The following PGA5 variants were observed in gnomAD, a reference collection of about 807,000 sequenced individuals.
The protein encoded by PGA5 is pepsinogen A5, also known as pepsin A-5.
A neutral mutation model predicts 15.9 loss-of-function variants in PGA5; 19 were observed. That is an observed-to-expected ratio of 1.19 (90% confidence interval 0.83 to 1.75). The LOEUF is 1.75. Ranked by LOEUF, PGA5 falls within the 40% of genes most tolerant of loss-of-function variation. The probability of loss-of-function intolerance (pLI) is 0.00; values close to 1 mark genes in which losing one functional copy is unlikely to be tolerated. For synonymous variants in PGA5, 92 were observed against 95.8 expected (o/e 0.96, Z 0.23); for missense variants, 224 against 246.4 (o/e 0.91, Z 0.61).
intron 8 of PGA5, 53 bp downstream of exon 8, chr11:61,250,067 A>C: frequency 6.3e-7 from 1 of 1,586,500 alleles, no homozygotes; most frequent in Non-Finnish European, 8.6e-7. Context: ...ATGTGGACAC[A>C]GAGTCCCCTT....
At chr11:61,247,259 C>T (rs895737595) in intron 5 of PGA5, among the ~76,000 whole-genome samples, 1 of 151,238 alleles carries the variant, frequency 6.6e-6, no homozygotes, top group East Asian at 1.9e-4. Context: ...TTAGAAATGG[C>T]CAGTTCTCGG....
intron 6 of PGA5, chr11:61,249,396 G>A (rs901243978): frequency 1.2e-5 from 7 of 595,000 alleles, no homozygotes; most frequent in Non-Finnish European, 2.0e-5. Flanking sequence ...AACTTATCTT[G>A]CCAGCTAGGC....
chr11:61,250,560 C>T (rs1042505641), intron 8 of PGA5: 9 of 457,110 alleles, frequency 2.0e-5, no homozygotes, highest in African/African-American at 6.0e-5. Context: ...GTTATTATAA[C>T]GTCAGGTGGA....
chr11:61,249,236 C>T lies in PGA5; in HGVS notation c.774-433C>T, dbSNP rs534814702. ...GTCTCTGTACCTCCCCGCATACCAT[C>T]CCCTGATGATGTCCTCCTTCTCTCT... On this transcript the variant is annotated intron_variant, in intron 6 of 8. Coordinates refer to ENST00000312403, the MANE Select transcript of PGA5 (RefSeq NM_014224.5). The T allele has an allele frequency of 3.7e-5, 13 of 347,194 alleles. No homozygotes were observed. The East Asian group carries it at 8.8e-4, about 24-fold the overall frequency. 21.5% of individuals were successfully genotyped at this position (347,194 alleles called of 1,614,324 possible).
intron 8 of PGA5, among the ~76,000 whole-genome samples, chr11:61,250,513 T>G (rs1316084026): frequency 2.0e-5 from 3 of 151,564 alleles, no homozygotes. Flanking sequence ...TAGCAAATCT[T>G]TAGCTATACG....
At chr11:61,247,074 T>C (rs1178555743) in intron 5 of PGA5, among the ~76,000 whole-genome samples, 1 of 152,012 alleles carries the variant, frequency 6.6e-6, no homozygotes, top group Admixed American at 6.5e-5. Flanking sequence ...TCCACTTTCT[T>C]AAGACATTCA....
intron 6 of PGA5, 138 bp from the exon 7 acceptor site, chr11:61,249,531 G>C: frequency 2.0e-6 from 3 of 1,489,690 alleles, no homozygotes; most frequent in African/African-American, 1.4e-5. Context: ...GAATGAGTGC[G>C]TGAACGAGAG....
rs146520000 is a variant in PGA5, at chr11:61,250,346, G to T, written c.1017+332G>T. 0.016 allele frequency among the ~76,000 whole-genome samples: 2,428 copies of T among 150,944 alleles called. 113 individuals carry two copies. The East Asian group carries it at 0.17, about 11-fold the overall frequency. ...ACAGCTCATCTCACCCTCAGTTTTCGCATCCAAAAGGTAGAGATGGCAGCT... is the reference window on the plus strand; with the variant it reads ...ACAGCTCATCTCACCCTCAGTTTTCTCATCCAAAAGGTAGAGATGGCAGCT... On this transcript the variant is annotated intron_variant, in intron 8 of 8. Coordinates refer to ENST00000312403, the MANE Select transcript of PGA5 (RefSeq NM_014224.5).
At position 61,251,357 on chromosome 11, in the gene PGA5, C is replaced by A. The variant is rs1007898080; in HGVS notation, c.*76C>A. 3.3e-5 allele frequency: 53 copies of A among 1,606,568 alleles called. No homozygotes were observed. The Admixed American group carries it at 8.9e-4, about 27-fold the overall frequency. On this transcript the variant is annotated 3_prime_UTR_variant, in exon 9 of 9. Coordinates refer to ENST00000312403, the MANE Select transcript of PGA5 (RefSeq NM_014224.5). ...CCCACTTTAGATGTATCTAATTCTC[C>A]TGACTGTTCTTCCCAGGGGAGTGTG...
intron 6 of PGA5, among the ~76,000 whole-genome samples, chr11:61,248,951 A>T (rs1854103182): frequency 6.6e-6 from 1 of 152,080 alleles, no homozygotes; most frequent in African/African-American, 2.4e-5. Context: ...AAATTGTGTG[A>T]AGTCACTTCA....
At chr11:61,249,455 G>C in intron 6 of PGA5, 1 of 931,598 alleles carries the variant, frequency 1.1e-6, no homozygotes, top group Non-Finnish European at 1.6e-6. Context: ...GTTTCGCTTG[G>C]CGTTTCCCAT....
intron 8 of PGA5, chr11:61,250,777 T>G (rs535223036): frequency 2.0e-6 from 1 of 502,354 alleles, no homozygotes; most frequent in African/African-American, 1.9e-5. Flanking sequence ...ATCTGGTTTG[T>G]CCCTGATGAG....
chr11:61,247,281 CTTT>C (rs1173101519), intron 5 of PGA5, among the ~76,000 whole-genome samples: 9 of 139,174 alleles, frequency 6.5e-5, no homozygotes, highest in Admixed American at 7.2e-5. Context: ...TGATTAATTT[CTTT>C]TTTTTTTTTT....
At chr11:61,250,780 C>G (rs1193475572) in intron 8 of PGA5, 1 of 508,334 alleles carries the variant, frequency 2.0e-6, no homozygotes, top group African/African-American at 1.9e-5. Context: ...TGGTTTGTCC[C>G]TGATGAGATA....
chr11:61,250,715 G>A (rs532664168), intron 8 of PGA5: 296 of 467,028 alleles, frequency 6.3e-4, no homozygotes, highest in Non-Finnish European at 1.1e-3. Flanking sequence ...CAGGTGATGT[G>A]CAGACAAGGT....
chr11:61,249,480 A>G (rs1466241361), intron 6 of PGA5, 189 bp from the exon 7 acceptor site: 3 of 1,130,552 alleles, frequency 2.7e-6, no homozygotes, highest in Non-Finnish European at 3.8e-6. Flanking sequence ...GGCAGAGGGT[A>G]GGCACTTGGG....
At chr11:61,245,640 G>C in intron 4 of PGA5, 10 of 10,548 alleles carry the variant, frequency 9.5e-4, no homozygotes, top group South Asian at 6.2e-3. Context: ...GGGGTCAAAG[G>C]CCTGGGGTCT....
Position 61,248,249 on chromosome 11 carries a change from G to A in PGA5, c.657-170G>A, listed in dbSNP as rs138076143. 5.8e-4 allele frequency: 851 copies of A among 1,469,734 alleles called. 8 individuals carry two copies. In the African/African-American group the frequency reaches 9.2e-3, roughly 16 times the overall value. The allele number at this position is 1,469,734 out of a possible 1,614,324, so 91.0% of individuals were successfully genotyped here. Reference sequence around the variant, plus strand: ...CATGGTAAGTGGAAACAACAGTGACGGTGCCCACTGCATGGGCCCTGGCCT... The same window carrying A: ...CATGGTAAGTGGAAACAACAGTGACAGTGCCCACTGCATGGGCCCTGGCCT... On this transcript the variant is annotated intron_variant, in intron 5 of 8. Coordinates refer to ENST00000312403, the MANE Select transcript of PGA5 (RefSeq NM_014224.5).
Position 61,249,748 on chromosome 11 carries a change from G to T in PGA5, c.853G>T (p.Gly285Cys). ...TGACACCGGCACCTCTCTGCTGACC[G>T]GCCCAACCAGCCCCATTGCCAACAT... Reference protein sequence around the residue: ...IVDTGTSLLTGPTSPIANIQS... With the variant: ...IVDTGTSLLTCPTSPIANIQS... Residue 285 changes from glycine to cysteine, a missense_variant, in exon 7 of 9, where the codon GGC becomes TGC. Physicochemically the swap from Gly to Cys is radical, Grantham distance 159. Coordinates refer to ENST00000312403, the MANE Select transcript of PGA5 (RefSeq NM_014224.5). 4 of 1,613,522 alleles carry T rather than the reference G, an allele frequency of 2.5e-6. No individual in the cohort carries two copies. Among genetic ancestry groups the T allele is most frequent in the Non-Finnish European group, 2.5e-6 (3 of 1,179,832 alleles).
Sources: allele counts gnomAD v4.1 joint callset (sites outside exome capture counted in the v4.1 genomes callset), GRCh38; gene constraint gnomAD v4.1.1; transcripts MANE v1.5; gene names NCBI Gene and HGNC (gene_info 2026-07-23, HGNC 2026-07-21).